Variants in EPB41 observed in about 807,000 individuals in gnomAD.
EPB41 encodes the protein erythrocyte membrane protein band 4.1, also known as protein 4.1.
A neutral mutation model predicts 108.0 loss-of-function variants in EPB41; 65 were observed. That is an observed-to-expected ratio of 0.60 (90% CI 0.49 to 0.74). The LOEUF is 0.74. Ranked by LOEUF, EPB41 falls within the 30% of genes least tolerant of loss-of-function variation. The probability of loss-of-function intolerance (pLI) is 0.00; values close to 1 mark genes in which losing one functional copy is unlikely to be tolerated. For missense variants in EPB41, 875 were observed against 1,037.0 expected (o/e 0.84, Z 2.15); for synonymous variants, 336 against 358.9 (o/e 0.94, Z 0.72).
At chr1:28,917,368 C>T (rs911959573) in intron 1 of EPB41, among the ~76,000 whole-genome samples, 50 of 151,784 alleles carry the variant, frequency 3.3e-4, no homozygotes, top group Admixed American at 9.2e-4. Flanking sequence ...GCAACCTCCA[C>T]CTCCTGGATT....
chr1:29,009,189 T>C (rs2096460887), intron 4 of EPB41, among the ~76,000 whole-genome samples: 1 of 151,932 alleles, frequency 6.6e-6, no homozygotes, highest in African/African-American at 2.4e-5. Flanking sequence ...CATGGAAGCA[T>C]TCCTCAAATA....
intron 2 of EPB41, chr1:28,989,269 C>T (rs150134591): frequency 1.1e-3 from 391 of 347,608 alleles, no homozygotes; most frequent in Non-Finnish European, 1.4e-3. Context: ...AAACTAAACA[C>T]GAGTTGTGAG....
At chr1:28,943,875 G>A (rs932605881) in intron 1 of EPB41, among the ~76,000 whole-genome samples, 1 of 152,160 alleles carries the variant, frequency 6.6e-6, no homozygotes, top group Non-Finnish European at 1.5e-5. Context: ...ATACCCAATA[G>A]AAAGGAAATT....
At chr1:28,890,775 A>G in intron 1 of EPB41, 1 of 262,408 alleles carries the variant, frequency 3.8e-6, no homozygotes, top group Non-Finnish European at 5.9e-6. Flanking sequence ...GACTTGACCA[A>G]AGTCACAAAG....
rs56337991 is a variant in EPB41 at position 28,929,843 on chromosome 1, C to CTTTTTTTTTT, written c.-8+15090_-8+15099dup. On this transcript the variant is annotated intron_variant, in intron 1 of 20. Coordinates refer to ENST00000343067, the MANE Select transcript of EPB41 (RefSeq NM_001376013.1). The stretch of plus-strand genomic sequence containing the variant: ...GCCACCGCGCCTGGCACTGGGCCTT[C>CTTTTTTTTTT]TTTTTTTTTTTTTTTTTTTTTTTTA... Among the ~76,000 whole-genome samples the CTTTTTTTTTT allele has an allele frequency of 5.9e-5, 6 of 101,866 alleles. No individual in the cohort carries two copies. In the East Asian group the frequency reaches 9.6e-4, roughly 16 times the overall value. The allele number at this position is 101,866 out of a possible 152,430, so 66.8% of individuals were successfully genotyped here. A position where few individuals can be genotyped will look rare whatever the true frequency, so the allele number is the denominator to read the frequency against.
chr1:29,039,141 G>A, intron 10 of EPB41, 113 bp from the exon 11 acceptor site: 1 of 1,215,910 alleles, frequency 8.2e-7, no homozygotes. Context: ...GTAACTATAT[G>A]GAAACCCTGA....
chr1:29,113,590 C>A (rs488113), intron 19 of EPB41, among the ~76,000 whole-genome samples: 3 of 152,208 alleles, frequency 2.0e-5, no homozygotes, highest in East Asian at 3.9e-4. Context: ...AAAAGCAATG[C>A]GGTGAAAGGT....
chr1:29,070,626 G>A (rs1650885025), intron 16 of EPB41: 5 of 1,231,922 alleles, frequency 4.1e-6, no homozygotes, highest in Non-Finnish European at 5.1e-6. Flanking sequence ...TCAGAAAACA[G>A]GGTGCTCATC....
At chr1:28,948,329 G>A (rs1002200280) in intron 1 of EPB41, among the ~76,000 whole-genome samples, 1 of 151,012 alleles carries the variant, frequency 6.6e-6, no homozygotes, top group Non-Finnish European at 1.5e-5. Context: ...GTGAAACCCC[G>A]TCTCTACTAA....
At chr1:29,024,748 A>G (rs959846162) in intron 7 of EPB41, among the ~76,000 whole-genome samples, 3 of 152,120 alleles carry the variant, frequency 2.0e-5, no homozygotes, top group Admixed American at 6.5e-5. Flanking sequence ...AACCTTTATC[A>G]GAATGTAAAC....
chr1:29,106,117 G>A (rs1262633134), intron 17 of EPB41, among the ~76,000 whole-genome samples: 1 of 152,152 alleles, frequency 6.6e-6, no homozygotes, highest in East Asian at 1.9e-4. Context: ...CTGGGTCATA[G>A]GACAAATGAC....
At chr1:29,047,893 C>T (rs1434521271) in intron 11 of EPB41, among the ~76,000 whole-genome samples, 4 of 151,922 alleles carry the variant, frequency 2.6e-5, no homozygotes, top group Non-Finnish European at 4.4e-5. Context: ...AAGCGATTCT[C>T]CCGCCTCAGC....
intron 1 of EPB41, among the ~76,000 whole-genome samples, chr1:28,966,145 C>T (rs2095351586): frequency 6.6e-6 from 1 of 150,952 alleles, no homozygotes. Flanking sequence ...GAGATCGCGC[C>T]TTTGCATTCC....
At chr1:29,035,720 A>G in intron 9 of EPB41, 106 bp from the exon 10 acceptor site, 3 of 843,988 alleles carry the variant, frequency 3.6e-6, no homozygotes, top group Non-Finnish European at 5.9e-6. Context: ...AATTGGTAAC[A>G]ATGGCCTCTT....
chr1:29,034,172 GCAGT>G (rs1434005384), intron 9 of EPB41, among the ~76,000 whole-genome samples: 1 of 152,184 alleles, frequency 6.6e-6, no homozygotes, highest in Non-Finnish European at 1.5e-5. Context: ...CTAGCACAGA[GCAGT>G]CAGTGTCTTC....
intron 18 of EPB41, among the ~76,000 whole-genome samples, 159 bp from the exon 19 acceptor site, chr1:29,112,209 C>G (rs1357004677): frequency 6.6e-6 from 1 of 151,968 alleles, no homozygotes; most frequent in Non-Finnish European, 1.5e-5. Flanking sequence ...TTATGTTGCC[C>G]AGGCTGGTCT....
chr1:29,009,674 G>A (rs1338741379), intron 4 of EPB41, among the ~76,000 whole-genome samples: 1 of 152,096 alleles, frequency 6.6e-6, no homozygotes, highest in East Asian at 1.9e-4. Context: ...TGAAAATACG[G>A]CAACTTTTTA....
intron 4 of EPB41, among the ~76,000 whole-genome samples, chr1:29,007,545 T>G (rs1437672774): frequency 2.6e-5 from 4 of 152,220 alleles, no homozygotes; most frequent in African/African-American, 9.6e-5. Context: ...TCATCTGCAC[T>G]TGATATAACT....
At chr1:29,057,388 A>AG (rs1244957938) in intron 12 of EPB41, among the ~76,000 whole-genome samples, 5 of 150,758 alleles carry the variant, frequency 3.3e-5, no homozygotes, top group African/African-American at 1.2e-4. Context: ...AAAAAAAAAA[A>AG]AAAAAAAAGA....
Sources: gnomAD v4.1 joint callset for allele counts (sites outside exome capture counted in the v4.1 genomes callset) on GRCh38, gnomAD v4.1.1 for gene constraint, MANE v1.5 for transcripts, NCBI Gene and HGNC (gene_info 2026-07-23, HGNC 2026-07-21) for gene names.